The following MAP7D2 variants were observed in gnomAD, a reference collection of about 807,000 sequenced individuals.
The protein encoded by MAP7D2 is MAP7 domain containing 2, also known as MAP7 domain-containing protein 2.
Under a neutral mutation model 63.5 loss-of-function variants are expected in MAP7D2, and 33 were observed. That is an observed-to-expected ratio of 0.52 (90% CI 0.39 to 0.70). MAP7D2 has a LOEUF of 0.70. Ranked by LOEUF, MAP7D2 falls within the 30% of genes least tolerant of loss-of-function variation. MAP7D2 has a pLI of 0.00. For missense variants in MAP7D2, 626 were observed against 604.0 expected (o/e 1.04, Z -0.38); for synonymous variants, 224 against 223.7 (o/e 1.00, Z -0.01).
At chrX:20,036,098 C>G (rs767211995) in intron 8 of MAP7D2, among the ~76,000 whole-genome samples, 1 of 110,440 alleles carries the variant, frequency 9.1e-6, no homozygotes. Flanking sequence ...TACACTTGCA[C>G]GTGAAGAAGG....
At chrX:20,102,875 G>A (rs947544053) in intron 1 of MAP7D2, among the ~76,000 whole-genome samples, 4 of 111,162 alleles carry the variant, frequency 3.6e-5, no homozygotes, top group Non-Finnish European at 7.6e-5. Flanking sequence ...GCCAGCTGTG[G>A]AGGATCACAG....
chrX:20,108,095 G>T (rs745321332), intron 1 of MAP7D2, among the ~76,000 whole-genome samples: 41 of 110,975 alleles, frequency 3.7e-4, no homozygotes, highest in Non-Finnish European at 5.7e-4. Context: ...CGTTTTTTTT[G>T]TTTGTTTGTT....
chrX:20,007,607 TG>T lies in MAP7D2; in HGVS notation c.*817del, dbSNP rs1428978607. On this transcript the variant is annotated 3_prime_UTR_variant, in exon 17 of 17. Transcript: ENST00000379643. ...ATAGAAAAAAAATTAGCAAGAACAT[TG>T]AAAACCAACCACCTGCACGCGAGAC... The T allele has an allele frequency of 9.0e-6, 1 of 111,048 alleles. No individual in the cohort carries two copies. The highest frequency in any genetic ancestry group is 2.8e-4 in the East Asian group (1 of 3,552). The allele number at this position is 111,048 out of a possible 1,213,427, so 9.2% of individuals were successfully genotyped here. A position where few individuals can be genotyped will look rare whatever the true frequency, so the allele number is the denominator to read the frequency against.
chrX:20,094,534 A>ATATG (rs2066183245), intron 1 of MAP7D2, among the ~76,000 whole-genome samples: 2 of 9,630 alleles, frequency 2.1e-4, no homozygotes, highest in Non-Finnish European at 3.2e-4. Flanking sequence ...ATATATATAT[A>ATATG]TATATATGTA....
At chrX:20,116,463 C>T (rs1489222442) in intron 1 of MAP7D2, 3 of 613,829 alleles carry the variant, frequency 4.9e-6, no homozygotes, top group South Asian at 8.7e-5. Flanking sequence ...GCAGCACCCC[C>T]TCAGGCACCT....
At chrX:20,024,815 T>C in intron 10 of MAP7D2, 136 bp downstream of exon 10, 3 of 629,226 alleles carry the variant, frequency 4.8e-6, no homozygotes, top group East Asian at 3.4e-5. Context: ...ACACCTTCCA[T>C]GTAGTTCAGA....
intron 8 of MAP7D2, among the ~76,000 whole-genome samples, chrX:20,033,501 TCTAAAAC>T (rs1409049850): frequency 1.8e-5 from 2 of 111,897 alleles, no homozygotes; most frequent in African/African-American, 6.5e-5. Context: ...AATCTAGTTT[TCTAAAAC>T]CCATGCAAGT....
intron 1 of MAP7D2, among the ~76,000 whole-genome samples, chrX:20,077,040 C>T (rs2065662803): frequency 8.9e-6 from 1 of 112,823 alleles, no homozygotes; most frequent in Non-Finnish European, 1.9e-5. Flanking sequence ...ACTTTGACAT[C>T]AAGGTCAAAT....
At chrX:20,020,317 G>A (rs569224994) in intron 10 of MAP7D2, among the ~76,000 whole-genome samples, 20 of 110,824 alleles carry the variant, frequency 1.8e-4, no homozygotes, top group Admixed American at 8.7e-4. Context: ...CTCATGTCTC[G>A]GGAATCACAA....
rs1362231247 is a variant in MAP7D2, at chrX:20,044,456, G to C, written c.787C>G (p.Arg263Gly). ...GTAGCTTTCTTCTTCTCAATGTTTC[G>C]AGTGGGTGAAGACTTGTAAGAAGGG... The part of the protein sequence containing the change: ...LNPSYKSSPT[R>G]NIEKKKATST... Residue 263 changes from arginine (R) to glycine (G), a missense_variant, in exon 7 of 17, where the codon CGA becomes GGA. By Grantham distance (125) the Arg-to-Gly change is moderately radical (BLOSUM62 -2). Transcript: ENST00000379643. 16 of 1,208,250 alleles carry C rather than the reference G, an allele frequency of 1.3e-5. No individual in the cohort carries two copies. Among genetic ancestry groups the C allele is most frequent in the Non-Finnish European group, 1.8e-5 (16 of 893,787 alleles).
intron 1 of MAP7D2, among the ~76,000 whole-genome samples, chrX:20,076,113 T>G (rs893069053): frequency 9.9e-5 from 11 of 111,558 alleles, no homozygotes; most frequent in Non-Finnish European, 2.1e-4. Flanking sequence ...GCCTGAGAAT[T>G]TGTATTTCTA....
At chrX:20,086,802 G>A (rs1428281509) in intron 1 of MAP7D2, among the ~76,000 whole-genome samples, 2 of 111,113 alleles carry the variant, frequency 1.8e-5, no homozygotes, top group East Asian at 5.6e-4. Flanking sequence ...TTTTTTCTGA[G>A]ACAGTCTCGC....
chrX:20,061,127 A>C (rs889787873), intron 3 of MAP7D2, among the ~76,000 whole-genome samples: 2 of 107,425 alleles, frequency 1.9e-5, no homozygotes, highest in African/African-American at 6.8e-5. Flanking sequence ...CCAAAAAAAA[A>C]AAAAAAAAAA....
intron 1 of MAP7D2, among the ~76,000 whole-genome samples, chrX:20,065,917 CTT>C (rs11323432): frequency 2.7e-4 from 25 of 92,246 alleles, no homozygotes; most frequent in Admixed American, 4.5e-4. Context: ...GCACACCATT[CTT>C]TTTTTTTTTT....
chrX:20,016,508 C>T (rs1009418869), intron 10 of MAP7D2, among the ~76,000 whole-genome samples, 183 bp from the exon 11 acceptor site: 2 of 112,020 alleles, frequency 1.8e-5, no homozygotes, highest in African/African-American at 6.5e-5. Flanking sequence ...ATATATTTAC[C>T]AAAAAGTATT....
intron 3 of MAP7D2, among the ~76,000 whole-genome samples, chrX:20,058,701 TGAGA>T (rs2065125689): frequency 8.9e-6 from 1 of 112,171 alleles, no homozygotes; most frequent in African/African-American, 3.2e-5. Context: ...CAGTTGTCCC[TGAGA>T]GAAAGACACA....
chrX:20,071,583 C>T (rs781070347), intron 1 of MAP7D2, among the ~76,000 whole-genome samples: 1 of 111,914 alleles, frequency 8.9e-6, no homozygotes, highest in Admixed American at 9.4e-5. Context: ...GTCCAGGGCC[C>T]ACACCTTGAG....
chrX:20,063,641 C>T (rs775197832), intron 2 of MAP7D2, 64 bp from the exon 3 acceptor site: 573 of 1,129,631 alleles, frequency 5.1e-4, no homozygotes, highest in East Asian at 1.2e-3. Context: ...TGGATTAAGA[C>T]CAAAAACAAG....
At chrX:20,080,095 T>C (rs1319309160) in intron 1 of MAP7D2, among the ~76,000 whole-genome samples, 1 of 111,497 alleles carries the variant, frequency 9.0e-6, no homozygotes, top group African/African-American at 3.3e-5. Flanking sequence ...TTACCTAGCT[T>C]CCTGTGTTTC....
Sources: allele counts gnomAD v4.1 joint callset (sites outside exome capture counted in the v4.1 genomes callset), GRCh38; gene constraint gnomAD v4.1.1; transcripts MANE v1.5; gene names NCBI Gene and HGNC (gene_info 2026-07-23, HGNC 2026-07-21).